PHF21B: variants seen among roughly 807,000 people sequenced by gnomAD.
PHF21B encodes the protein PHD finger protein 4.
A neutral mutation model predicts 62.2 loss-of-function variants in PHF21B; 22 were observed. The ratio of observed to expected loss-of-function variants is 0.35; its 90% confidence interval spans 0.25 to 0.51. PHF21B has a LOEUF of 0.51. Ranked by LOEUF, PHF21B falls within the 20% of genes least tolerant of loss-of-function variation. The pLI is 0.97. For missense variants in PHF21B, 701 were observed against 707.9 expected (o/e 0.99, Z 0.11); for synonymous variants, 341 against 314.7 (o/e 1.08, Z -0.88).
rs1257044699 is a variant in PHF21B, at chr22:44,893,509, C to T, written c.908G>A (p.Arg303Gln). Residue 303 changes from arginine (R) to glutamine (Q), a missense_variant, in exon 7 of 13, where the codon CGG (arginine) becomes CAG (glutamine). Physicochemically the swap from Arg to Gln is conservative, Grantham distance 43 (BLOSUM62 1). Coordinates refer to ENST00000313237, the MANE Select transcript of PHF21B (RefSeq NM_138415.5). Reference protein sequence around the residue: ...LEEIQSKRQERKRRSTANPAY... With the variant: ...LEEIQSKRQEQKRRSTANPAY... Reference sequence around the variant, plus strand: ...AGGGTTGGCTGTGCTTCTTCTCTTCCGCTCCTGTCGCTTGCTCTGGATTTC... The same window carrying T: ...AGGGTTGGCTGTGCTTCTTCTCTTCTGCTCCTGTCGCTTGCTCTGGATTTC... 9 of 1,603,536 alleles carry T rather than the reference C, an allele frequency of 5.6e-6. No individual in the cohort carries two copies. Among genetic ancestry groups the T allele is most frequent in the Non-Finnish European group, 6.8e-6 (8 of 1,175,328 alleles).
chr22:44,921,429 C>T (rs5766195), intron 2 of PHF21B, among the ~76,000 whole-genome samples: 76,803 of 150,084 alleles, frequency 0.51, 20,126 homozygotes, highest in East Asian at 0.67. Flanking sequence ...TGCAGTGGCG[C>T]GATCTCGGCT....
intron 2 of PHF21B, among the ~76,000 whole-genome samples, chr22:44,992,533 C>T (rs1007184592): frequency 6.6e-6 from 1 of 152,264 alleles, no homozygotes; most frequent in Non-Finnish European, 1.5e-5. Flanking sequence ...AAACATCTAA[C>T]AGGCAGGAGC....
chr22:45,007,541 G>GC (rs1197832832), intron 2 of PHF21B, among the ~76,000 whole-genome samples: 3 of 137,532 alleles, frequency 2.2e-5, no homozygotes, highest in Admixed American at 7.2e-5. Context: ...CGGGGGCGCG[G>GC]CGCGGGCGGG....
At chr22:44,895,743 A>G (rs1400777779) in intron 6 of PHF21B, among the ~76,000 whole-genome samples, 1 of 152,192 alleles carries the variant, frequency 6.6e-6, no homozygotes, top group Non-Finnish European at 1.5e-5. Flanking sequence ...GGTATTGTGC[A>G]TAGTCATGGA....
At chr22:44,954,500 C>T (rs1569251756) in intron 2 of PHF21B, among the ~76,000 whole-genome samples, 1 of 152,264 alleles carries the variant, frequency 6.6e-6, no homozygotes, top group African/African-American at 2.4e-5. Flanking sequence ...TCCACCCTAG[C>T]AGCTGGACCC....
At chr22:44,955,072 C>A (rs1054746678) in intron 2 of PHF21B, among the ~76,000 whole-genome samples, 5 of 152,208 alleles carry the variant, frequency 3.3e-5, no homozygotes, top group Admixed American at 1.3e-4. Flanking sequence ...GGTGCAGCTG[C>A]GTCCAGCCTG....
chr22:44,938,059 T>C (rs2071884379), intron 2 of PHF21B, among the ~76,000 whole-genome samples: 1 of 152,250 alleles, frequency 6.6e-6, no homozygotes, highest in Non-Finnish European at 1.5e-5. Flanking sequence ...GCAAATTTTA[T>C]CTCAAATTTT....
intron 2 of PHF21B, among the ~76,000 whole-genome samples, chr22:44,921,977 A>G (rs2071546528): frequency 1.3e-5 from 2 of 152,158 alleles, no homozygotes; most frequent in African/African-American, 4.8e-5. Context: ...GCAGTTCTAC[A>G]TGGCTACATT....
At chr22:44,888,818 G>A (rs995453683) in intron 9 of PHF21B, among the ~76,000 whole-genome samples, 6 of 151,960 alleles carry the variant, frequency 3.9e-5, no homozygotes, top group South Asian at 2.1e-4. Flanking sequence ...AGGGAGAGGC[G>A]GTTGTCACAC....
Position 45,007,277 on chromosome 22 carries a change from T to TA in PHF21B, c.120+1267dup, listed in dbSNP as rs750862074. Among the ~76,000 whole-genome samples, 34 of 151,790 alleles carry TA rather than the reference T, an allele frequency of 2.2e-4. No individual in the cohort carries two copies. In the East Asian group the frequency reaches 6.0e-3, roughly 27 times the overall value. On this transcript the variant is annotated intron_variant, in intron 2 of 12. Coordinates refer to ENST00000313237, the MANE Select transcript of PHF21B (RefSeq NM_138415.5). Reference sequence around the variant, plus strand: ...GCCCCCTCCCATCACTTTTTAACTTTAAAGACTCGACACGAACGCCCGGCC... The same window carrying TA: ...GCCCCCTCCCATCACTTTTTAACTTTAAAAGACTCGACACGAACGCCCGGCC...
At chr22:44,885,383 C>T (rs1455239240) in intron 12 of PHF21B, 43 bp downstream of exon 12, 16 of 1,522,052 alleles carry the variant, frequency 1.1e-5, no homozygotes, top group African/African-American at 1.4e-5. Context: ...CCGGGGCACA[C>T]CTGCAGGGCT....
intron 5 of PHF21B, among the ~76,000 whole-genome samples, chr22:44,906,444 T>C (rs1385863267): frequency 6.6e-6 from 1 of 152,178 alleles, no homozygotes; most frequent in East Asian, 1.9e-4. Flanking sequence ...CCGAAACGTG[T>C]GTGTAACAGG....
intron 2 of PHF21B, among the ~76,000 whole-genome samples, chr22:44,945,072 TATTA>T (rs925764829): frequency 6.6e-6 from 1 of 152,066 alleles, no homozygotes; most frequent in African/African-American, 2.4e-5. Flanking sequence ...CTGTTTCCCG[TATTA>T]ATTTCCTGCC....
At chr22:44,907,039 A>G (rs1379800445) in intron 5 of PHF21B, among the ~76,000 whole-genome samples, 1 of 152,154 alleles carries the variant, frequency 6.6e-6, no homozygotes, top group African/African-American at 2.4e-5. Flanking sequence ...AGGTACATAC[A>G]TGTCACGCGT....
intron 2 of PHF21B, among the ~76,000 whole-genome samples, chr22:44,932,382 C>G (rs1001613806): frequency 6.6e-6 from 1 of 152,146 alleles, no homozygotes; most frequent in South Asian, 2.1e-4. Context: ...TTATTCCTTC[C>G]TAGCCAGGGG....
rs183920278 is a variant in PHF21B at position 44,918,898 on chromosome 22, G to A, written c.213+1500C>T. On this transcript the variant is annotated intron_variant, in intron 3 of 12. Coordinates refer to ENST00000313237, the MANE Select transcript of PHF21B (RefSeq NM_138415.5). ...CTCGCATAGCTCCCTGCTGCCCAAG[G>A]GTCACCGACAGGAGAAGTCCAACTC... is the stretch of plus-strand genomic sequence containing the variant. Among the ~76,000 whole-genome samples, 610 of 152,244 alleles carry A rather than the reference G, an allele frequency of 4.0e-3. 4 individuals carry two copies. Among genetic ancestry groups the A allele is most frequent in the African/African-American group, 0.014 (574 of 41,524 alleles).
rs115521143 is a variant in PHF21B, at chr22:44,946,524, G to A, written c.121-26034C>T. Among the ~76,000 whole-genome samples the A allele has an allele frequency of 4.3e-3, 656 of 152,196 alleles. 7 individuals are homozygous for A. Among genetic ancestry groups the A allele is most frequent in the African/African-American group, 0.014 (593 of 41,504 alleles). ...ATTATGGATGGATGAAAGGGTGGAC[G>A]GATGGTGGGTGGACGGATGGAAGGG... On this transcript the variant is annotated intron_variant, in intron 2 of 12. Transcript: ENST00000313237.
chr22:44,885,466 T>A lies in PHF21B; in HGVS notation c.1337A>T (p.Gln446Leu), dbSNP rs370563437. Residue 446 changes from glutamine (Q) to leucine (L), a missense_variant, in exon 12 of 13, where the codon CAG becomes CTG. Physicochemically the swap from Gln to Leu is moderately radical, Grantham distance 113. Coordinates refer to ENST00000313237, the MANE Select transcript of PHF21B (RefSeq NM_138415.5). ...CAGCCGCCGGTCCCGCTCCTCCAGC[T>A]GCTGGTGCTCGTTCTGCAGCTCACT... Reference protein sequence around the residue: ...RGSELQNEHQQLEERDRRLAS... With the variant: ...RGSELQNEHQLLEERDRRLAS... 9 of 1,597,144 alleles carry A rather than the reference T, an allele frequency of 5.6e-6. No individual in the cohort carries two copies. Among genetic ancestry groups the A allele is most frequent in the South Asian group, 1.1e-5 (1 of 88,334 alleles).
chr22:44,996,863 T>C (rs373128360), intron 2 of PHF21B, among the ~76,000 whole-genome samples: 17 of 151,494 alleles, frequency 1.1e-4, no homozygotes, highest in African/African-American at 4.1e-4. Flanking sequence ...CACACACACA[T>C]GCATACATGC....
Sources: gnomAD v4.1 joint callset for allele counts (sites outside exome capture counted in the v4.1 genomes callset) on GRCh38, gnomAD v4.1.1 for gene constraint, MANE v1.5 for transcripts, NCBI Gene and HGNC (gene_info 2026-07-23, HGNC 2026-07-21) for gene names.